Variants in CCDC178 observed in about 807,000 individuals in gnomAD.
CCDC178 encodes the protein coiled-coil domain-containing protein 178.
Under a neutral mutation model 117.4 loss-of-function variants are expected in CCDC178, and 126 were observed. That is an observed-to-expected ratio of 1.07 (90% CI 0.93 to 1.24). CCDC178 has a LOEUF of 1.24. Ranked by LOEUF, CCDC178 falls within the 50% of genes most tolerant of loss-of-function variation. The probability of loss-of-function intolerance (pLI) is 0.00; values close to 1 mark genes in which losing one functional copy is unlikely to be tolerated. For missense variants in CCDC178, 1,030 were observed against 986.9 expected, an observed-to-expected ratio of 1.04 and a Z score of -0.59; for synonymous variants, 283 against 313.4, an observed-to-expected ratio of 0.90 and a Z score of 1.02.
At chr18:33,393,789 T>A (rs150569429) in intron 4 of CCDC178, among the ~76,000 whole-genome samples, 1 of 152,220 alleles carries the variant, frequency 6.6e-6, no homozygotes, top group East Asian at 1.9e-4. Context: ...TAAAGTTATA[T>A]GAATGGTCTG....
chr18:32,962,832 G>A (rs557773406), intron 22 of CCDC178, among the ~76,000 whole-genome samples: 30 of 151,820 alleles, frequency 2.0e-4, no homozygotes, highest in Middle Eastern at 3.4e-3. Flanking sequence ...ACTCACCATC[G>A]GCAGATAATA....
chr18:33,001,038 T>C (rs2055619921), intron 21 of CCDC178, among the ~76,000 whole-genome samples: 1 of 152,136 alleles, frequency 6.6e-6, no homozygotes, highest in Non-Finnish European at 1.5e-5. Flanking sequence ...TAATAAGATA[T>C]AAATAGAAAC....
intron 2 of CCDC178, among the ~76,000 whole-genome samples, chr18:33,438,247 T>A (rs557482296): frequency 6.6e-6 from 1 of 152,232 alleles, no homozygotes; most frequent in South Asian, 2.1e-4. Flanking sequence ...ACCAGTCACA[T>A]AAAGTATCCT....
At chr18:33,309,216 AT>A (rs2062301494) in intron 11 of CCDC178, among the ~76,000 whole-genome samples, 1 of 151,832 alleles carries the variant, frequency 6.6e-6, no homozygotes, top group South Asian at 2.1e-4. Context: ...ATATTAACTC[AT>A]TCCACAAAAA....
intron 12 of CCDC178, among the ~76,000 whole-genome samples, chr18:33,267,716 A>C (rs2144770954): frequency 6.6e-6 from 1 of 151,632 alleles, no homozygotes; most frequent in East Asian, 1.9e-4. Flanking sequence ...TTACATAATA[A>C]AATCAAATAT....
intron 21 of CCDC178, among the ~76,000 whole-genome samples, chr18:32,995,738 T>A (rs1342695237): frequency 6.6e-6 from 1 of 152,086 alleles, no homozygotes. Flanking sequence ...GTACATTACA[T>A]AATTGGGAAT....
chr18:32,992,547 T>G (rs1179747299), intron 21 of CCDC178, among the ~76,000 whole-genome samples: 1 of 152,108 alleles, frequency 6.6e-6, no homozygotes, highest in African/African-American at 2.4e-5. Context: ...AACTGTAAAA[T>G]AATGAGGAGA....
intron 14 of CCDC178, among the ~76,000 whole-genome samples, chr18:33,255,885 G>C (rs1303964237): frequency 6.7e-6 from 1 of 150,258 alleles, no homozygotes; most frequent in Non-Finnish European, 1.5e-5. Flanking sequence ...AGAACCTGAA[G>C]AATCAAGAGA....
At chr18:32,957,534 ATGT>A (rs1006422908) in intron 22 of CCDC178, among the ~76,000 whole-genome samples, 109 of 152,264 alleles carry the variant, frequency 7.2e-4, no homozygotes, top group African/African-American at 2.6e-3. Context: ...ACTAAAGTAC[ATGT>A]TGTTAATATT....
At chr18:33,316,548 G>A (rs2144978063) in intron 11 of CCDC178, among the ~76,000 whole-genome samples, 1 of 152,266 alleles carries the variant, frequency 6.6e-6, no homozygotes, top group South Asian at 2.1e-4. Context: ...CCGGAGAGCA[G>A]GTGCAGGGCA....
Position 32,938,106 on chromosome 18 carries a change from GAAAC to G in CCDC178, c.2524-19_2524-16del. On this transcript the variant is annotated splice_polypyrimidine_tract_variant and intron_variant, in intron 22 of 22. Coordinates refer to ENST00000383096, the MANE Select transcript of CCDC178 (RefSeq NM_001105528.4). ...GAAGATTCCTCCTGTTCAGAAGCAA[GAAAC>G]AAACAAAATCAATAAGTACTCATTA... 6.3e-7 allele frequency: 1 copy of G among 1,578,618 alleles called. No homozygotes were observed.
intron 20 of CCDC178, 59 bp downstream of exon 20, chr18:33,211,837 T>G: frequency 7.1e-7 from 1 of 1,401,330 alleles, no homozygotes; most frequent in Non-Finnish European, 9.7e-7. Flanking sequence ...TCAAACTAGC[T>G]GCTAATTTGA....
intron 22 of CCDC178, among the ~76,000 whole-genome samples, chr18:32,968,786 C>G (rs1166262135): frequency 1.3e-5 from 2 of 152,070 alleles, no homozygotes; most frequent in East Asian, 3.9e-4. Context: ...TGCATGTTTT[C>G]TATAAATTCT....
chr18:33,035,414 C>T (rs933571309), intron 21 of CCDC178, among the ~76,000 whole-genome samples: 10 of 151,904 alleles, frequency 6.6e-5, no homozygotes, highest in Non-Finnish European at 1.0e-4. Flanking sequence ...TCCACACACA[C>T]AATGGAATAT....
At chr18:33,280,991 T>A (rs994128490) in intron 12 of CCDC178, among the ~76,000 whole-genome samples, 1 of 151,844 alleles carries the variant, frequency 6.6e-6, no homozygotes, top group African/African-American at 2.4e-5. Context: ...TTAGGAGATA[T>A]ACCTAATGCT....
At chr18:33,019,828 C>G (rs1886646524) in intron 21 of CCDC178, among the ~76,000 whole-genome samples, 1 of 151,496 alleles carries the variant, frequency 6.6e-6, no homozygotes, top group Non-Finnish European at 1.5e-5. Context: ...AAACATTAGT[C>G]TATTATACAT....
intron 11 of CCDC178, among the ~76,000 whole-genome samples, chr18:33,309,797 G>GA (rs2062310672): frequency 6.6e-6 from 1 of 151,828 alleles, no homozygotes; most frequent in African/African-American, 2.4e-5. Flanking sequence ...AACTAAGTAG[G>GA]AAAGACGTAA....
chr18:33,306,693 A>T (rs1425757854), intron 11 of CCDC178, among the ~76,000 whole-genome samples: 2 of 150,958 alleles, frequency 1.3e-5, no homozygotes, highest in African/African-American at 2.4e-5. Flanking sequence ...ATTAAATTCA[A>T]ATACTCTTCA....
intron 21 of CCDC178, among the ~76,000 whole-genome samples, chr18:33,067,897 G>A (rs966376857): frequency 1.6e-4 from 24 of 151,442 alleles, no homozygotes; most frequent in African/African-American, 5.6e-4. Flanking sequence ...TTAAAAAGCC[G>A]GTGTTTGAAG....
Sources: allele counts gnomAD v4.1 joint callset (sites outside exome capture counted in the v4.1 genomes callset), GRCh38; gene constraint gnomAD v4.1.1; transcripts MANE v1.5; gene names NCBI Gene and HGNC (gene_info 2026-07-23, HGNC 2026-07-21).